Variants in NELL1 observed in about 807,000 individuals in gnomAD.
NELL1 encodes the protein protein kinase C-binding protein NELL1.
NELL1 carries 76 observed loss-of-function variants against 107.4 expected under a neutral mutation model. The observed-to-expected ratio is 0.71, with a 90% CI of 0.59 to 0.86. The LOEUF is 0.86. NELL1 is among the 40% of genes least tolerant of loss of function. The pLI is 0.00. For synonymous variants in NELL1, 353 were observed against 341.2 expected, an observed-to-expected ratio of 1.03 and a Z score of -0.38; for missense variants, 1,024 against 1,005.5, an observed-to-expected ratio of 1.02 and a Z score of -0.25.
At position 21,264,071 on chromosome 11, in the gene NELL1, G is replaced by GGTGTGTGTGTGTGTGTGTGTGTGT. The variant is rs10525326; in HGVS notation, c.1549+34620_1549+34643dup. On this transcript the variant is annotated intron_variant, in intron 14 of 19. Transcript: ENST00000357134. ...TTAGATGTCTGAAAGTCTACAATGG[G>GGTGTGTGTGTGTGTGTGTGTGTGT]GTGTGTGTGTGTGTGTGTGTGTGTG... is the stretch of plus-strand genomic sequence containing the variant. 3.0e-3 allele frequency among the ~76,000 whole-genome samples: 425 copies of GGTGTGTGTGTGTGTGTGTGTGTGT among 139,514 alleles called. 2 individuals are homozygous for GGTGTGTGTGTGTGTGTGTGTGTGT. Among genetic ancestry groups the GGTGTGTGTGTGTGTGTGTGTGTGT allele is most frequent in the African/African-American group, 6.9e-3 (257 of 37,454 alleles). 91.5% of individuals were successfully genotyped at this position (139,514 alleles called of 152,430 possible). A position where few individuals can be genotyped will look rare whatever the true frequency, so the allele number is the denominator to read the frequency against.
intron 3 of NELL1, among the ~76,000 whole-genome samples, chr11:20,792,083 C>T (rs1519738): frequency 0.57 from 87,052 of 151,762 alleles, 28,380 homozygotes; most frequent in East Asian, 0.87. Context: ...TGCTTTCTTT[C>T]CATGTTTTAA....
intron 2 of NELL1, among the ~76,000 whole-genome samples, chr11:20,774,247 C>A (rs1239430353): frequency 7.5e-6 from 1 of 132,914 alleles, no homozygotes; most frequent in Admixed American, 7.6e-5. Context: ...CCTTTCCTCC[C>A]CCTCTCCCAT....
intron 12 of NELL1, among the ~76,000 whole-genome samples, chr11:21,043,888 A>T (rs987168582): frequency 4.3e-4 from 65 of 152,142 alleles, no homozygotes; most frequent in African/African-American, 1.6e-3. Context: ...GAGAAGGGAA[A>T]TTGCAAGATT....
At chr11:20,859,222 AG>A (rs1463118736) in intron 4 of NELL1, among the ~76,000 whole-genome samples, 1 of 152,202 alleles carries the variant, frequency 6.6e-6, no homozygotes, top group Non-Finnish European at 1.5e-5. Context: ...GGACATAGCT[AG>A]AGACTTGGGG....
intron 15 of NELL1, among the ~76,000 whole-genome samples, chr11:21,529,682 A>G (rs1344433338): frequency 6.6e-6 from 1 of 152,176 alleles, no homozygotes; most frequent in African/African-American, 2.4e-5. Context: ...TCCAGAAATA[A>G]TCTCTTAGTC....
At chr11:21,221,271 T>C (rs1287244983) in intron 13 of NELL1, among the ~76,000 whole-genome samples, 1 of 152,196 alleles carries the variant, frequency 6.6e-6, no homozygotes, top group Non-Finnish European at 1.5e-5. Context: ...TGTACTGTTG[T>C]ATTCAGTTTG....
intron 12 of NELL1, among the ~76,000 whole-genome samples, chr11:20,978,521 G>A (rs538674802): frequency 2.6e-5 from 4 of 152,188 alleles, no homozygotes; most frequent in Admixed American, 6.5e-5. Context: ...CTCTTTATGG[G>A]TCCTGAGGGA....
At chr11:20,839,238 G>A (rs527483380) in intron 3 of NELL1, among the ~76,000 whole-genome samples, 1 of 152,212 alleles carries the variant, frequency 6.6e-6, no homozygotes, top group African/African-American at 2.4e-5. Context: ...TTTTGAATGG[G>A]CATAAAGAGC....
chr11:20,679,857 A>C (rs1411319948), intron 2 of NELL1, among the ~76,000 whole-genome samples: 1 of 152,158 alleles, frequency 6.6e-6, no homozygotes, highest in African/African-American at 2.4e-5. Flanking sequence ...ATGGAATTAA[A>C]ATTTCTTTTG....
intron 14 of NELL1, among the ~76,000 whole-genome samples, chr11:21,305,751 G>A (rs1359694259): frequency 1.3e-5 from 2 of 151,364 alleles, no homozygotes; most frequent in African/African-American, 4.9e-5. Context: ...TATTACATTT[G>A]TTACAAGCAT....
intron 14 of NELL1, among the ~76,000 whole-genome samples, chr11:21,344,121 A>G (rs1850633740): frequency 6.6e-6 from 1 of 152,184 alleles, no homozygotes; most frequent in East Asian, 1.9e-4. Context: ...TGAGCATCTA[A>G]GGCTTCTAAT....
Position 20,928,236 on chromosome 11 carries a change from G to C in NELL1, c.895-141G>C. 3 of 776,624 alleles carry C rather than the reference G, an allele frequency of 3.9e-6. No individual in the cohort carries two copies. The South Asian group carries it at 4.4e-5, about 11-fold the overall frequency. The allele number at this position is 776,624 out of a possible 1,614,324, so 48.1% of individuals were successfully genotyped here. ...TCGGGCCGGAGAAAACACTTCATCT[G>C]TGGTCCTGGAGTGGACTGGGAATTC... On this transcript the variant is annotated intron_variant, in intron 8 of 19. Coordinates refer to ENST00000357134, the MANE Select transcript of NELL1 (RefSeq NM_006157.5).
At chr11:21,154,212 G>A (rs1348943386) in intron 13 of NELL1, among the ~76,000 whole-genome samples, 39 of 152,110 alleles carry the variant, frequency 2.6e-4, no homozygotes, top group Non-Finnish European at 1.0e-4. Flanking sequence ...CTTAATGGTG[G>A]CAGTGGGATA....
chr11:20,984,033 G>A (rs11025853), intron 12 of NELL1, among the ~76,000 whole-genome samples: 6,764 of 151,956 alleles, frequency 0.045, 206 homozygotes, highest in Middle Eastern at 0.21. Context: ...CTTAGTTATC[G>A]TCTATCTTTT....
chr11:21,230,350 A>T (rs1456346445), intron 14 of NELL1, among the ~76,000 whole-genome samples: 1 of 152,074 alleles, frequency 6.6e-6, no homozygotes, highest in Non-Finnish European at 1.5e-5. Context: ...CCTCCCCACT[A>T]GAATGTAAGC....
At chr11:20,716,842 G>A (rs1785655483) in intron 2 of NELL1, among the ~76,000 whole-genome samples, 1 of 152,124 alleles carries the variant, frequency 6.6e-6, no homozygotes, top group African/African-American at 2.4e-5. Context: ...AACAGCATTG[G>A]GTATGTAGCA....
intron 2 of NELL1, among the ~76,000 whole-genome samples, chr11:20,694,276 C>T (rs1296764667): frequency 6.6e-6 from 1 of 152,030 alleles, no homozygotes; most frequent in African/African-American, 2.4e-5. Context: ...AAGCCTAGGT[C>T]CTCCTTGTTA....
intron 12 of NELL1, among the ~76,000 whole-genome samples, chr11:21,066,842 T>C (rs1242954006): frequency 6.6e-6 from 1 of 151,964 alleles, no homozygotes; most frequent in African/African-American, 2.4e-5. Flanking sequence ...TAATCCCAGC[T>C]ACTTGGGAGG....
intron 2 of NELL1, among the ~76,000 whole-genome samples, chr11:20,777,532 A>G (rs376420157): frequency 2.2e-3 from 335 of 152,350 alleles, no homozygotes; most frequent in African/African-American, 7.8e-3. Flanking sequence ...ATAGTGGGAC[A>G]TGTGCCTCCC....
Sources: gnomAD v4.1 joint callset for allele counts (sites outside exome capture counted in the v4.1 genomes callset) on GRCh38, gnomAD v4.1.1 for gene constraint, MANE v1.5 for transcripts, NCBI Gene and HGNC (gene_info 2026-07-23, HGNC 2026-07-21) for gene names.